Variants in PHF3 observed in about 807,000 individuals in gnomAD.
PHF3 encodes the protein PHD finger protein 3.
PHF3 carries 41 observed loss-of-function variants against 178.4 expected under a neutral mutation model. The observed-to-expected ratio is 0.23, with a 90% CI of 0.18 to 0.30. The LOEUF (loss-of-function observed/expected upper bound fraction) is 0.30, where lower values mean the gene tolerates loss of function less well. Ranked by LOEUF, PHF3 falls within the 10% of genes least tolerant of loss-of-function variation. The pLI, the probability that PHF3 is intolerant of heterozygous loss-of-function variation, is 1.00. For missense variants in PHF3, 2,346 were observed against 2,398.1 expected (o/e 0.98, Z 0.45); for synonymous variants, 842 against 800.5 (o/e 1.05, Z -0.88).
At position 63,721,363 on chromosome 6, in the gene PHF3, A is replaced by G; in HGVS notation, c.*7655A>G. The G allele has an allele frequency of 3.2e-6, 5 of 1,551,844 alleles. No individual in the cohort carries two copies. The highest frequency in any genetic ancestry group is 4.4e-6 in the Non-Finnish European group (5 of 1,146,974). On this transcript the variant is annotated 3_prime_UTR_variant, in exon 16 of 16. Coordinates refer to ENST00000262043, the MANE Select transcript of PHF3 (RefSeq NM_001370348.2). ...GAAAAAGTTGTGCCATTTACTGTAC[A>G]TTCACCTCCATTTCTGCATGTGTTG... is the stretch of plus-strand genomic sequence containing the variant.
rs879693591 is a variant in PHF3 at position 63,715,186 on chromosome 6, A to G, written c.*1478A>G. The stretch of plus-strand genomic sequence containing the variant: ...GAGAAGGGAGGAAATTCAGAACCAA[A>G]CATTCTATTTAATTTGCAATGACTT... On this transcript the variant is annotated 3_prime_UTR_variant, in exon 16 of 16. Coordinates refer to ENST00000262043, the MANE Select transcript of PHF3 (RefSeq NM_001370348.2). The G allele has an allele frequency of 6.6e-6, 1 of 152,084 alleles. No homozygotes were observed. The highest frequency in any genetic ancestry group is 1.5e-5 in the Non-Finnish European group (1 of 67,980). The allele number at this position is 152,084 out of a possible 1,614,324, so 9.4% of individuals were successfully genotyped here.
At position 63,685,769 on chromosome 6, in the gene PHF3, T is replaced by G. The variant is rs1478437939; in HGVS notation, c.2047T>G (p.Leu683Val). Residue 683 changes from leucine to valine, a missense_variant, in exon 4 of 16, where the codon TTA (leucine) becomes GTA (valine). Leu to Val is a conservative substitution (Grantham distance 32). Transcript: ENST00000262043. The stretch of plus-strand genomic sequence containing the variant: ...AAGAAGAAGCAGCAAAAGTTTTTCT[T>G]TAGATGAGCCACCATTGTTCATTCC... ...RQRRSSKSFS[L>V]DEPPLFIPDN... The G allele has an allele frequency of 2.5e-6, 4 of 1,613,970 alleles. No individual in the cohort carries two copies. Among genetic ancestry groups the G allele is most frequent in the Admixed American group, 1.7e-5 (1 of 60,006 alleles).
At chr6:63,701,394 T>C (rs1561977866) in intron 9 of PHF3, among the ~76,000 whole-genome samples, 2 of 152,204 alleles carry the variant, frequency 1.3e-5, no homozygotes, top group Non-Finnish European at 2.9e-5. Flanking sequence ...AATTTTTGTT[T>C]GGAGATTGTG....
In PHF3 at chr6:63,713,954, T is replaced by C. The variant is rs370376350; in HGVS notation, c.*246T>C. 1 of 345,430 alleles carries C rather than the reference T, an allele frequency of 2.9e-6. No homozygotes were observed. The highest frequency in any genetic ancestry group is 5.2e-6 in the Non-Finnish European group (1 of 193,650). The allele number at this position is 345,430 out of a possible 1,614,324, so 21.4% of individuals were successfully genotyped here. A position where few individuals can be genotyped will look rare whatever the true frequency, so the allele number is the denominator to read the frequency against. On this transcript the variant is annotated 3_prime_UTR_variant, in exon 16 of 16. Transcript: ENST00000262043. The stretch of plus-strand genomic sequence containing the variant: ...TTTAAAAGTTTTACATTGCTGTATA[T>C]TCAAAGATTTGTTTTATTAATATGC...
At position 63,713,423 on chromosome 6, in the gene PHF3, G is replaced by A. The variant is rs748553372; in HGVS notation, c.5835G>A (p.Arg1945=). 1.4e-5 allele frequency: 23 copies of A among 1,613,802 alleles called. No homozygotes were observed. In the East Asian group the frequency reaches 5.1e-4, roughly 36 times the overall value. ...AGGAATGGGAGCAAGAATCTGAAAG[G>A]CATAGACGCAGAGACAGAAGCCAAG... ...HEKEWEQESE[R]HRRRDRSQDK... Residue 1945 remains arginine, a synonymous_variant, in exon 16 of 16, where the codon AGG becomes AGA. Coordinates refer to ENST00000262043, the MANE Select transcript of PHF3 (RefSeq NM_001370348.2).
intron 14 of PHF3, among the ~76,000 whole-genome samples, chr6:63,710,493 A>G (rs1767878491): frequency 6.6e-6 from 1 of 152,172 alleles, no homozygotes; most frequent in African/African-American, 2.4e-5. Context: ...TTTCGGCCAT[A>G]TACCATCATG....
At chr6:63,688,598 G>A (rs186677880) in intron 4 of PHF3, among the ~76,000 whole-genome samples, 94 of 151,900 alleles carry the variant, frequency 6.2e-4, no homozygotes, top group Non-Finnish European at 1.1e-3. Flanking sequence ...GCCTCCCAAA[G>A]TGCTGGGATT....
chr6:63,636,220 A>T (rs1764323694), intron 1 of PHF3, 70 bp downstream of exon 1: 1 of 338,298 alleles, frequency 3.0e-6, no homozygotes, highest in Non-Finnish European at 5.3e-6. Flanking sequence ...TTCCACACGC[A>T]CAGCGCCTCC....
intron 2 of PHF3, among the ~76,000 whole-genome samples, chr6:63,679,342 G>A (rs1766323647): frequency 6.6e-6 from 1 of 151,996 alleles, no homozygotes; most frequent in Non-Finnish European, 1.5e-5. Context: ...TTAAATACAT[G>A]AGTCTGTCTC....
At chr6:63,636,695 C>T (rs1423393271) in intron 1 of PHF3, 1 of 152,368 alleles carries the variant, frequency 6.6e-6, no homozygotes, top group Non-Finnish European at 1.5e-5. Flanking sequence ...TTCCATTTAT[C>T]CTCCAGTTAC....
rs189490323 is a variant in PHF3 at position 63,644,720 on chromosome 6, A to T, written c.-25-1807A>T. On this transcript the variant is annotated intron_variant, in intron 1 of 15. Coordinates refer to ENST00000262043, the MANE Select transcript of PHF3 (RefSeq NM_001370348.2). ...GAGAGAGGAATTTGCTTTTTTTTTA[A>T]AAAAAATTGAGGTATAATAAATGCA... Among the ~76,000 whole-genome samples, 1,292 of 152,058 alleles carry T rather than the reference A, an allele frequency of 8.5e-3. 18 individuals are homozygous for T. Among genetic ancestry groups the T allele is most frequent in the African/African-American group, 0.029 (1,217 of 41,466 alleles).
intron 3 of PHF3, among the ~76,000 whole-genome samples, chr6:63,683,241 T>A (rs969593626): frequency 1.3e-4 from 20 of 151,978 alleles, no homozygotes; most frequent in African/African-American, 4.6e-4. Flanking sequence ...CCTGGACATT[T>A]ACCTTTTTAA....
chr6:63,639,397 T>C (rs1382903843), intron 1 of PHF3, among the ~76,000 whole-genome samples: 2 of 152,226 alleles, frequency 1.3e-5, no homozygotes, highest in Non-Finnish European at 2.9e-5. Context: ...AAATTGCTTT[T>C]CCTCCAATGA....
intron 3 of PHF3, among the ~76,000 whole-genome samples, chr6:63,681,901 G>A (rs1463149030): frequency 6.6e-6 from 1 of 152,056 alleles, no homozygotes; most frequent in Non-Finnish European, 1.5e-5. Context: ...GAGCGTCAGT[G>A]TATAGCAATC....
At chr6:63,647,727 AAC>A (rs904153380) in intron 2 of PHF3, among the ~76,000 whole-genome samples, 1 of 152,204 alleles carries the variant, frequency 6.6e-6, no homozygotes, top group African/African-American at 2.4e-5. Context: ...ATGTATAAAA[AAC>A]AGTTTTTCTT....
At chr6:63,649,178 A>G (rs1265008451) in intron 2 of PHF3, among the ~76,000 whole-genome samples, 1 of 151,660 alleles carries the variant, frequency 6.6e-6, no homozygotes, top group African/African-American at 2.4e-5. Flanking sequence ...TCCTGGCCTC[A>G]AGCTATCCTC....
chr6:63,674,615 C>G (rs1487981933), intron 2 of PHF3, among the ~76,000 whole-genome samples: 2 of 151,868 alleles, frequency 1.3e-5, no homozygotes, highest in African/African-American at 2.4e-5. Context: ...TGGTGATCTC[C>G]TGCGATGTTA....
In PHF3 at chr6:63,694,587, G is replaced by A; in HGVS notation, c.2503G>A (p.Gly835Ser). Residue 835 changes from glycine to serine, a missense_variant, in exon 6 of 16, where the codon GGT (glycine) becomes AGT (serine). Around this residue, in one of 8 missense-constraint regions of PHF3, gnomAD observed 252 missense variants for 232.0 expected, o/e 1.09. Coordinates refer to ENST00000262043, the MANE Select transcript of PHF3 (RefSeq NM_001370348.2). ...HKVKILKRES[G>S]EGRNSSDCRD... ...TTAAGTACTCATTTTCCAGGAGTCT[G>A]GTGAAGGCAGAAATTCATCAGACTG... The A allele has an allele frequency of 6.7e-7, 1 of 1,501,828 alleles. No homozygotes were observed. The highest frequency in any genetic ancestry group is 8.9e-7 in the Non-Finnish European group (1 of 1,123,876). The allele number at this position is 1,501,828 out of a possible 1,614,324, so 93.0% of individuals were successfully genotyped here.
At position 63,712,127 on chromosome 6, in the gene PHF3, G is replaced by A. The variant is rs1157554897; in HGVS notation, c.4539G>A (p.Val1513=). 18 of 1,613,232 alleles carry A rather than the reference G, an allele frequency of 1.1e-5. No individual in the cohort carries two copies. The East Asian group carries it at 4.0e-4, about 36-fold the overall frequency. The change falls in exon 16 of 16, where the codon GTG becomes GTA. Residue 1513 remains valine, a synonymous_variant. Transcript: ENST00000262043. ...TNSKIEKTDN[V]EVTDGENKEI... ...CAAAAATAGAGAAAACAGATAATGT[G>A]GAAGTAACTGATGGTGAAAACAAGG...
Sources: gnomAD v4.1 joint callset for allele counts (sites outside exome capture counted in the v4.1 genomes callset) on GRCh38, gnomAD v4.1.1 for gene constraint, gnomAD v4.1.1 regional missense constraint, MANE v1.5 for transcripts, NCBI Gene and HGNC (gene_info 2026-07-23, HGNC 2026-07-21) for gene names.